ZNF678: variants seen among roughly 807,000 people sequenced by gnomAD.
The protein encoded by ZNF678 is zinc finger protein 678, also known as hypothetical protein MGC42493.
Under a neutral mutation model 3.0 loss-of-function variants are expected in ZNF678, and 5 were observed. The observed-to-expected ratio is 1.69, with a 90% CI of 0.88 to 3.56. The LOEUF is 3.56. Among genes scored for constraint, ZNF678 ranks in the 30% most tolerant of loss-of-function variants. The pLI is 0.00. For missense variants in ZNF678, 593 were observed against 605.0 expected (o/e 0.98, Z 0.21); for synonymous variants, 218 against 199.6 (o/e 1.09, Z -0.78).
chr1:227,663,868 C>A (rs575717989), downstream of ZNF678, among the ~76,000 whole-genome samples: 3 of 152,260 alleles, frequency 2.0e-5, no homozygotes, highest in East Asian at 5.8e-4. Context: ...TCCTCTGATC[C>A]CTGTCTGCAA....
At chr1:227,600,058 A>G (rs1316001442) in intron 1 of ZNF678, among the ~76,000 whole-genome samples, 2 of 151,874 alleles carry the variant, frequency 1.3e-5, no homozygotes, top group Non-Finnish European at 2.9e-5. Flanking sequence ...GGGAAATGCA[A>G]TATTTGGTTT....
At chr1:227,593,866 CCT>C (rs542474499) in intron 1 of ZNF678, among the ~76,000 whole-genome samples, 8,636 of 85,254 alleles carry the variant, frequency 0.1, 415 homozygotes, top group East Asian at 0.33. Flanking sequence ...CCCCCCCCCC[CCT>C]TTTTTTTTTT....
intron 1 of ZNF678, among the ~76,000 whole-genome samples, chr1:227,621,444 C>A (rs151033804): frequency 1.3e-5 from 2 of 152,072 alleles, no homozygotes; most frequent in African/African-American, 4.8e-5. Flanking sequence ...GGAGCTGGCC[C>A]GTCTTACAAG....
intron 1 of ZNF678, among the ~76,000 whole-genome samples, chr1:227,635,659 T>C (rs1658660261): frequency 6.6e-6 from 1 of 151,884 alleles, no homozygotes. Flanking sequence ...GGTTTTATGG[T>C]CTCCTGCAAG....
intron 1 of ZNF678, among the ~76,000 whole-genome samples, chr1:227,568,777 G>T (rs910182144): frequency 6.6e-6 from 1 of 152,184 alleles, no homozygotes; most frequent in African/African-American, 2.4e-5. Flanking sequence ...TGGGACTGAG[G>T]CCTGGCCTTG....
chr1:227,650,923 TA>T, intron 2 of ZNF678, 32 bp from the exon 3 acceptor site: 1 of 1,510,672 alleles, frequency 6.6e-7, no homozygotes, highest in Non-Finnish European at 8.9e-7. Flanking sequence ...TTATGGCTTT[TA>T]AAAAATTTTC....
chr1:227,586,852 C>T (rs758431324), intron 1 of ZNF678, among the ~76,000 whole-genome samples: 25 of 152,134 alleles, frequency 1.6e-4, no homozygotes, highest in Non-Finnish European at 3.1e-4. Context: ...AGGTGGTGAT[C>T]AGGAGGTAGA....
intron 1 of ZNF678, among the ~76,000 whole-genome samples, chr1:227,623,370 A>G (rs1399728824): frequency 2.0e-5 from 3 of 152,204 alleles, no homozygotes; most frequent in Non-Finnish European, 4.4e-5. Context: ...TTCTCCCTTC[A>G]GTTACCTCAT....
At chr1:227,646,758 A>G in intron 2 of ZNF678, 88 bp downstream of exon 2, 1 of 1,190,830 alleles carries the variant, frequency 8.4e-7, no homozygotes, top group Non-Finnish European at 1.1e-6. Context: ...AGAGTTTGTC[A>G]TTTGCATGAA....
rs150559338 is a variant in ZNF678 at position 227,617,632 on chromosome 1, T to C, written c.-163-28912T>C. Among the ~76,000 whole-genome samples the C allele has an allele frequency of 6.3e-4, 96 of 152,242 alleles. 2 individuals carry two copies. The highest frequency in any genetic ancestry group is 2.0e-3 in the African/African-American group (83 of 41,532). On this transcript the variant is annotated intron_variant, in intron 1 of 3. Coordinates refer to ENST00000343776, the MANE Select transcript of ZNF678 (RefSeq NM_001367909.1). ...CCTCATTATGCACTTTGCTTCAAAG[T>C]AGAAATGGCCATACATACTATGGCG...
At chr1:227,618,383 T>C (rs1658192339) in intron 1 of ZNF678, among the ~76,000 whole-genome samples, 1 of 152,224 alleles carries the variant, frequency 6.6e-6, no homozygotes, top group Non-Finnish European at 1.5e-5. Flanking sequence ...GTTGGAACTT[T>C]GGTGGGTCTG....
intron 3 of ZNF678, 74 bp from the exon 4 acceptor site, chr1:227,654,262 T>C: frequency 8.8e-7 from 1 of 1,134,044 alleles, no homozygotes; most frequent in Non-Finnish European, 1.2e-6. Flanking sequence ...GATATAATTA[T>C]ATTTATTAGA....
intron 1 of ZNF678, among the ~76,000 whole-genome samples, chr1:227,644,591 C>T (rs1246593742): frequency 1.3e-5 from 2 of 152,032 alleles, no homozygotes; most frequent in Non-Finnish European, 2.9e-5. Flanking sequence ...TCATGATGGG[C>T]CTAGGAGGAT....
At chr1:227,575,043 A>G (rs1442754797) in intron 1 of ZNF678, among the ~76,000 whole-genome samples, 1 of 152,160 alleles carries the variant, frequency 6.6e-6, no homozygotes, top group Non-Finnish European at 1.5e-5. Context: ...CGAAGATCAA[A>G]TAGTTGTATA....
chr1:227,606,806 A>G (rs1252607942), intron 1 of ZNF678, among the ~76,000 whole-genome samples: 1 of 152,198 alleles, frequency 6.6e-6, no homozygotes. Context: ...GTCTGCAGAC[A>G]TATTGTTAAC....
chr1:227,667,841 CAT>C (rs1316965720), intron 5 of ZNF678, among the ~76,000 whole-genome samples: 1 of 152,060 alleles, frequency 6.6e-6, no homozygotes, highest in Non-Finnish European at 1.5e-5. Flanking sequence ...TGTGATGAAA[CAT>C]ATGAACACAT....
chr1:227,669,736 C>G (rs1325815718), intron 5 of ZNF678, among the ~76,000 whole-genome samples: 1 of 151,958 alleles, frequency 6.6e-6, no homozygotes, highest in African/African-American at 2.4e-5. Flanking sequence ...TAAAAAAAAC[C>G]CATACCCCGT....
chr1:227,655,731 G>A lies in ZNF678; in HGVS notation c.1481G>A (p.Cys494Tyr), dbSNP rs1388054795. 1.2e-6 allele frequency: 2 copies of A among 1,612,506 alleles called. No homozygotes were observed. Among genetic ancestry groups the A allele is most frequent in the Non-Finnish European group, 1.7e-6 (2 of 1,179,090 alleles). ...TGEKRYKCKE[C>Y]GKGFYQSSIH... ...GAGAAACGCTACAAATGTAAAGAAT[G>A]TGGAAAAGGTTTTTACCAATCCTCA... The change falls in exon 4 of 4, where the codon TGT becomes TAT. Residue 494 changes from cysteine to tyrosine, a missense_variant. By Grantham distance (194) the Cys-to-Tyr change is radical. Transcript: ENST00000343776.
chr1:227,563,992 C>A (rs570796507), intron 1 of ZNF678, among the ~76,000 whole-genome samples: 47 of 152,318 alleles, frequency 3.1e-4, no homozygotes, highest in African/African-American at 9.9e-4. Flanking sequence ...GAAGCCAAAT[C>A]GGTGTGCGAA....
Sources: gnomAD v4.1 joint callset for allele counts (sites outside exome capture counted in the v4.1 genomes callset) on GRCh38, gnomAD v4.1.1 for gene constraint, MANE v1.5 for transcripts, NCBI Gene and HGNC (gene_info 2026-07-23, HGNC 2026-07-21) for gene names.